Variants in CD48 observed in about 807,000 individuals in gnomAD.
CD48 encodes the protein CD48 antigen.
In CD48, 20 loss-of-function variants were observed where a neutral mutation model predicts 22.0. That is an observed-to-expected ratio of 0.91 (90% CI 0.64 to 1.32). The LOEUF (loss-of-function observed/expected upper bound fraction) is 1.32, where lower values mean the gene tolerates loss of function less well. CD48 is among the 40% of genes most tolerant of loss of function. The pLI is 0.00. For missense variants in CD48, 307 were observed against 286.5 expected, an observed-to-expected ratio of 1.07 and a Z score of -0.52; for synonymous variants, 110 against 110.1, an observed-to-expected ratio of 1.00 and a Z score of 0.01.
At chr1:160,679,369 G>T (rs926821025) in intron 3 of CD48, among the ~76,000 whole-genome samples, 1 of 152,184 alleles carries the variant, frequency 6.6e-6, no homozygotes, top group Non-Finnish European at 1.5e-5. Context: ...TGTGCTCAAA[G>T]GTTACCTCGA....
chr1:160,687,974 C>T (rs1219034748), intron 1 of CD48, among the ~76,000 whole-genome samples: 4 of 152,198 alleles, frequency 2.6e-5, no homozygotes, highest in African/African-American at 9.7e-5. Context: ...TATGAATGAT[C>T]AGTCTCATTA....
chr1:160,706,094 T>A (rs142602374), intron 1 of CD48, among the ~76,000 whole-genome samples: 6 of 151,828 alleles, frequency 4.0e-5, no homozygotes, highest in Admixed American at 6.5e-5. Context: ...TAATTTTTTT[T>A]ATGGAGTTTC....
chr1:160,703,353 C>T (rs12749123), intron 1 of CD48, among the ~76,000 whole-genome samples: 12,249 of 152,164 alleles, frequency 0.08, 586 homozygotes, highest in South Asian at 0.16. Flanking sequence ...ACAAGCATCC[C>T]TAAATTCTTT....
At chr1:160,706,668 C>G (rs1220535656) in intron 1 of CD48, among the ~76,000 whole-genome samples, 1 of 152,090 alleles carries the variant, frequency 6.6e-6, no homozygotes, top group Non-Finnish European at 1.5e-5. Context: ...GATAAAGTAA[C>G]AAAGTTGGAT....
intron 2 of CD48, 46 bp downstream of exon 2, chr1:160,684,841 T>C (rs2102406740): frequency 6.2e-7 from 1 of 1,614,090 alleles, no homozygotes; most frequent in Non-Finnish European, 8.5e-7. Flanking sequence ...GTGGTCCATC[T>C]GGGGCCACTG....
chr1:160,711,617 C>T, intron 1 of CD48, 65 bp downstream of exon 1: 1 of 1,233,940 alleles, frequency 8.1e-7, no homozygotes, highest in Non-Finnish European at 1.2e-6. Context: ...TACATCCCGT[C>T]TCCCCTTTCC....
At position 160,681,411 on chromosome 1, in the gene CD48, C is replaced by T; in HGVS notation, c.443G>A (p.Cys148Tyr). Residue 148 changes from cysteine (C) to tyrosine (Y), a missense_variant, in exon 3 of 4, where the codon TGT becomes TAT. Physicochemically the swap from Cys to Tyr is radical, Grantham distance 194. Transcript: ENST00000368046. Reference protein sequence around the residue: ...IEKIEDMDDNCYLKLSCVIPG... With the variant: ...IEKIEDMDDNYYLKLSCVIPG... ...TATCACACATGACAGTTTCAGATAA[C>T]AGTTGTCATCCATGTCTTCTATCTT... 1 of 1,614,106 alleles carries T rather than the reference C, an allele frequency of 6.2e-7. No homozygotes were observed. The highest frequency in any genetic ancestry group is 8.5e-7 in the Non-Finnish European group (1 of 1,179,974).
At chr1:160,700,102 G>A (rs1185028594) in intron 1 of CD48, among the ~76,000 whole-genome samples, 1 of 152,120 alleles carries the variant, frequency 6.6e-6, no homozygotes, top group Non-Finnish European at 1.5e-5. Context: ...AGTATAAGAG[G>A]TAGAAATAAG....
chr1:160,689,745 T>G (rs188741963), intron 1 of CD48, among the ~76,000 whole-genome samples: 99 of 152,306 alleles, frequency 6.5e-4, no homozygotes, highest in Middle Eastern at 6.8e-3. Context: ...GTGGTTTTAG[T>G]TGTCAGTATT....
intron 1 of CD48, among the ~76,000 whole-genome samples, chr1:160,687,843 C>T (rs1219113714): frequency 1.3e-5 from 2 of 152,192 alleles, no homozygotes; most frequent in African/African-American, 4.8e-5. Context: ...GATCTAATGC[C>T]TCAGCTCCAG....
chr1:160,709,462 T>G (rs539039270), intron 1 of CD48, among the ~76,000 whole-genome samples: 3 of 152,318 alleles, frequency 2.0e-5, no homozygotes, highest in Non-Finnish European at 4.4e-5. Context: ...TTTAATGACT[T>G]GTTGAAAATT....
At chr1:160,711,646 G>A in intron 1 of CD48, 36 bp downstream of exon 1, 2 of 1,506,230 alleles carry the variant, frequency 1.3e-6, no homozygotes, top group East Asian at 2.3e-5. Context: ...CATGCCTTCA[G>A]TGCACAATCA....
chr1:160,684,652 G>T, intron 2 of CD48: 4 of 1,324,044 alleles, frequency 3.0e-6, no homozygotes, highest in Non-Finnish European at 3.0e-6. Flanking sequence ...TCTCTTCAAA[G>T]CTTAGACTCA....
chr1:160,706,472 G>T (rs1009846806), intron 1 of CD48, among the ~76,000 whole-genome samples: 2 of 152,068 alleles, frequency 1.3e-5, no homozygotes, highest in African/African-American at 4.8e-5. Flanking sequence ...ATTCCAAAAA[G>T]GCTGTCCTGA....
chr1:160,701,826 G>A (rs899198549), intron 1 of CD48, among the ~76,000 whole-genome samples: 1 of 152,106 alleles, frequency 6.6e-6, no homozygotes, highest in African/African-American at 2.4e-5. Context: ...AAGCCAAGAG[G>A]AAGGCCATAA....
chr1:160,681,653 C>G (rs1661807709), intron 2 of CD48, among the ~76,000 whole-genome samples, 185 bp from the exon 3 acceptor site: 1 of 152,206 alleles, frequency 6.6e-6, no homozygotes, highest in Non-Finnish European at 1.5e-5. Flanking sequence ...CACAGACTCA[C>G]TGCAAGAGCG....
rs796812314 is a variant in CD48 at position 160,706,641 on chromosome 1, T to C, written c.82+5041A>G. Among the ~76,000 whole-genome samples, 28 of 152,354 alleles carry C rather than the reference T, an allele frequency of 1.8e-4. 1 individual carries two copies. Among genetic ancestry groups the C allele is most frequent in the African/African-American group, 6.3e-4 (26 of 41,594 alleles). On this transcript the variant is annotated intron_variant, in intron 1 of 3. Transcript: ENST00000368046. ...AATTCTAACAGGAAGTATTTGGTGA[T>C]ATGTCTGGATGATTGGGATAAAGTA...
intron 3 of CD48, 32 bp from the exon 4 acceptor site, chr1:160,679,163 G>A: frequency 6.4e-7 from 1 of 1,570,736 alleles, no homozygotes; most frequent in South Asian, 1.1e-5. Flanking sequence ...ATATGCTTAG[G>A]TATCTTTATC....
At chr1:160,684,866 T>C (rs370370194) in intron 2 of CD48, 21 bp downstream of exon 2, 118 of 1,613,968 alleles carry the variant, frequency 7.3e-5, no homozygotes, top group Non-Finnish European at 9.3e-5. Flanking sequence ...GGGGATTTGC[T>C]CTTTGGCTCC....
Sources: allele counts gnomAD v4.1 joint callset (sites outside exome capture counted in the v4.1 genomes callset), GRCh38; gene constraint gnomAD v4.1.1; transcripts MANE v1.5; gene names NCBI Gene and HGNC (gene_info 2026-07-23, HGNC 2026-07-21).